Variants in CELF5 observed in about 807,000 individuals in gnomAD.
CELF5 encodes CUG-BP and ETR-3 like factor 5.
A neutral mutation model predicts 54.9 loss-of-function variants in CELF5; 6 were observed. The ratio of observed to expected loss-of-function variants is 0.11; its 90% CI spans 0.06 to 0.22. CELF5 has a LOEUF of 0.22. Ranked by LOEUF, CELF5 falls within the 10% of genes least tolerant of loss-of-function variation. The probability of loss-of-function intolerance (pLI) is 1.00; values close to 1 mark genes in which losing one functional copy is unlikely to be tolerated. For synonymous variants in CELF5, 271 were observed against 290.9 expected, an observed-to-expected ratio of 0.93 and a Z score of 0.70; for missense variants, 401 against 678.6, an observed-to-expected ratio of 0.59 and a Z score of 4.54.
rs1316523714 is a variant in CELF5 at position 3,228,733 on chromosome 19, G to A, written c.259+3735G>A. Among the ~76,000 whole-genome samples, 1 of 151,696 alleles carries A rather than the reference G, an allele frequency of 6.6e-6. No individual in the cohort carries two copies. The highest frequency in any genetic ancestry group is 1.5e-5 in the Non-Finnish European group (1 of 67,892). On this transcript the variant is annotated intron_variant, in intron 1 of 12. Coordinates refer to ENST00000292672, the MANE Select transcript of CELF5 (RefSeq NM_021938.4). This position sits in a 1 kb window ranked among gnomAD's most constrained non-coding sequence, Gnocchi z 6.0. ...GCTGTAGCAGGCTGAGCTCTGAGGC[G>A]TGAGATTCCGCGTGTGACGCACCAG...
intron 1 of CELF5, among the ~76,000 whole-genome samples, chr19:3,246,444 C>T (rs970190186): frequency 3.8e-4 from 58 of 152,022 alleles, no homozygotes; most frequent in African/African-American, 1.4e-3. Context: ...TGGCTTATGC[C>T]TATAATCCCA....
At chr19:3,266,265 T>A (rs1599442100) in intron 2 of CELF5, among the ~76,000 whole-genome samples, 1 of 152,266 alleles carries the variant, frequency 6.6e-6, no homozygotes, top group East Asian at 1.9e-4. Context: ...CCGGTGGGCA[T>A]GTCTCAGGGA....
At chr19:3,236,352 G>A (rs1379705481) in intron 1 of CELF5, among the ~76,000 whole-genome samples, 2 of 152,146 alleles carry the variant, frequency 1.3e-5, no homozygotes, top group African/African-American at 4.8e-5. Context: ...GTGTGGCCTC[G>A]TGGTTCCCAT....
chr19:3,285,011 G>GCCCAGGGCCCCGCCCCCA, intron 9 of CELF5, 47 bp downstream of exon 9: 1 of 1,408,554 alleles, frequency 7.1e-7, no homozygotes. Flanking sequence ...CCCCGCCCCC[G>GCCCAGGGCCCCGCCCCCA]CCTAGGGCCC....
In CELF5 at chr19:3,282,090, G is replaced by C. The variant is rs780617283; in HGVS notation, c.751-36G>C. 1.2e-6 allele frequency: 2 copies of C among 1,613,132 alleles called. No homozygotes were observed. The highest frequency in any genetic ancestry group is 1.7e-6 in the Non-Finnish European group (2 of 1,179,410). On this transcript the variant is annotated intron_variant, in intron 6 of 12. Transcript: ENST00000292672. This position sits in a 1 kb window ranked among gnomAD's most constrained non-coding sequence, Gnocchi z 5.2. The stretch of plus-strand genomic sequence containing the variant: ...CCTCATAAGCCATGATCTCAGGGCA[G>C]ATATCACCCCAACTGTGACATGTCT...
chr19:3,227,391 A>C (rs1407408975), intron 1 of CELF5, among the ~76,000 whole-genome samples: 1 of 152,136 alleles, frequency 6.6e-6, no homozygotes, highest in African/African-American at 2.4e-5. Flanking sequence ...TGCCACCAAC[A>C]TGACCTTATT....
intron 1 of CELF5, among the ~76,000 whole-genome samples, chr19:3,249,324 T>C (rs1008265957): frequency 6.6e-6 from 1 of 152,116 alleles, no homozygotes; most frequent in Admixed American, 6.5e-5. Flanking sequence ...TACCCCACCT[T>C]GGGGAAACGT....
intron 1 of CELF5, among the ~76,000 whole-genome samples, chr19:3,234,177 AG>A (rs1290867085): frequency 1.3e-5 from 2 of 152,026 alleles, no homozygotes; most frequent in Admixed American, 1.3e-4. Context: ...CAGGTAGAGG[AG>A]GGGAGGTCAA....
rs956128629 is a variant in CELF5, at chr19:3,228,470, G to A, written c.259+3472G>A. Among the ~76,000 whole-genome samples, 2 of 152,234 alleles carry A rather than the reference G, an allele frequency of 1.3e-5. No homozygotes were observed. Among genetic ancestry groups the A allele is most frequent in the African/African-American group, 4.8e-5 (2 of 41,460 alleles). ...GTCTATGGATGGTGGCTGCCTGGGT[G>A]CCCACCCTGCCAGGGGAAGGTGCCC... is the stretch of plus-strand genomic sequence containing the variant. On this transcript the variant is annotated intron_variant, in intron 1 of 12. Transcript: ENST00000292672. This position sits in a 1 kb window ranked among gnomAD's most constrained non-coding sequence, Gnocchi z 6.0.
At chr19:3,265,760 C>G (rs936957295) in intron 2 of CELF5, among the ~76,000 whole-genome samples, 1 of 152,172 alleles carries the variant, frequency 6.6e-6, no homozygotes, top group Non-Finnish European at 1.5e-5. Context: ...GGCGGCTGCT[C>G]TATGCAGTAG....
rs60632293 is a variant in CELF5, at chr19:3,228,875, CGTGTGTGTGTGTGT to C, written c.259+3904_259+3917del. The stretch of plus-strand genomic sequence containing the variant: ...GGGGGTGGCTGGCAGGGTTGGCCGG[CGTGTGTGTGTGTGT>C]GTGTGTGTGTGTGTGTGTGTGTGTG... On this transcript the variant is annotated intron_variant, in intron 1 of 12. Transcript: ENST00000292672. The surrounding 1 kb of genome is among the most constrained non-coding windows in gnomAD (Gnocchi z 6.0). 1.6e-4 allele frequency among the ~76,000 whole-genome samples: 20 copies of C among 124,106 alleles called. No homozygotes were observed. Among genetic ancestry groups the C allele is most frequent in the African/African-American group, 3.5e-4 (11 of 31,844 alleles). The allele number at this position is 124,106 out of a possible 152,430, so 81.4% of individuals were successfully genotyped here.
Position 3,229,680 on chromosome 19 carries a change from A to AT in CELF5, c.259+4682_259+4683insT, listed in dbSNP as rs1434495422. Among the ~76,000 whole-genome samples, 16 of 152,376 alleles carry AT rather than the reference A, an allele frequency of 1.1e-4. No individual in the cohort carries two copies. The South Asian group carries it at 3.1e-3, about 30-fold the overall frequency. On this transcript the variant is annotated intron_variant, in intron 1 of 12. Transcript: ENST00000292672. ...AGAAGTGGCAGGGAGAGCAGAGAAC[A>AT]GAAGAGGCTGTTGGCATGGGGCCGG... is the stretch of plus-strand genomic sequence containing the variant.
chr19:3,225,078 C>T (rs1286555635), intron 1 of CELF5, 80 bp downstream of exon 1: 4 of 973,038 alleles, frequency 4.1e-6, no homozygotes, highest in Non-Finnish European at 5.9e-6. Context: ...TCCCCCATCA[C>T]CATCCCTCCT....
rs1478882221 is a variant in CELF5, at chr19:3,282,820, T to C, written c.1039+322T>C. 1.3e-5 allele frequency among the ~76,000 whole-genome samples: 2 copies of C among 152,158 alleles called. No homozygotes were observed. Among genetic ancestry groups the C allele is most frequent in the African/African-American group, 2.4e-5 (1 of 41,436 alleles). The stretch of plus-strand genomic sequence containing the variant: ...CATCAGTAGCCTCAGAGGGTTGCAT[T>C]GACAATTTAATCTGTGTGCAAAAGG... On this transcript the variant is annotated intron_variant, in intron 8 of 12. Coordinates refer to ENST00000292672, the MANE Select transcript of CELF5 (RefSeq NM_021938.4). This position sits in a 1 kb window ranked among gnomAD's most constrained non-coding sequence, Gnocchi z 5.2.
At chr19:3,258,929 A>G (rs1267633443) in intron 2 of CELF5, among the ~76,000 whole-genome samples, 1 of 152,072 alleles carries the variant, frequency 6.6e-6, no homozygotes, top group African/African-American at 2.4e-5. Context: ...TCTTTTGGGG[A>G]GCCACCATCT....
intron 2 of CELF5, among the ~76,000 whole-genome samples, chr19:3,271,633 G>C (rs2079966127): frequency 6.6e-6 from 1 of 152,116 alleles, no homozygotes; most frequent in Non-Finnish European, 1.5e-5. Context: ...GAATGGGAGA[G>C]GGTCTTAGAG....
chr19:3,226,687 G>A (rs1916938155), intron 1 of CELF5, among the ~76,000 whole-genome samples: 1 of 152,084 alleles, frequency 6.6e-6, no homozygotes, highest in Non-Finnish European at 1.5e-5. Context: ...CGGTTGCATT[G>A]AAAGGCCGCT....
chr19:3,281,147 T>G lies in CELF5; in HGVS notation c.604-52T>G. ...TAACATGAATCCAGGGACCCCAGAG[T>G]CCTGGCTACCTCCCAGCCCGTTTCC... is the stretch of plus-strand genomic sequence containing the variant. On this transcript the variant is annotated intron_variant, in intron 5 of 12. Transcript: ENST00000292672. The surrounding 1 kb of genome is among the most constrained non-coding windows in gnomAD (Gnocchi z 6.5). 5 of 1,579,410 alleles carry G rather than the reference T, an allele frequency of 3.2e-6. No individual in the cohort carries two copies. Among genetic ancestry groups the G allele is most frequent in the Non-Finnish European group, 4.3e-6 (5 of 1,163,642 alleles).
At chr19:3,267,004 G>A (rs1216014982) in intron 2 of CELF5, among the ~76,000 whole-genome samples, 1 of 151,970 alleles carries the variant, frequency 6.6e-6, no homozygotes. Flanking sequence ...TGGGTCACGT[G>A]AGACACCGAG....
Sources: gnomAD v4.1 joint callset for allele counts (sites outside exome capture counted in the v4.1 genomes callset) on GRCh38, gnomAD v4.1.1 for gene constraint, Gnocchi (gnomAD v3.1) non-coding constraint, MANE v1.5 for transcripts, NCBI Gene and HGNC (gene_info 2026-07-23, HGNC 2026-07-21) for gene names.